Variants in ADGRB3 observed in about 807,000 individuals in gnomAD.
ADGRB3 encodes the protein brain-specific angiogenesis inhibitor 3.
ADGRB3 carries 37 observed loss-of-function variants against 193.4 expected under a neutral mutation model. The ratio of observed to expected loss-of-function variants is 0.19; its 90% CI spans 0.15 to 0.25. The LOEUF is 0.25. Among genes scored for constraint, ADGRB3 ranks in the 10% least tolerant of loss-of-function variants. The pLI is 1.00. For missense variants in ADGRB3, 1,637 were observed against 1,852.9 expected (o/e 0.88, Z 2.14); for synonymous variants, 690 against 644.2 (o/e 1.07, Z -1.08).
At chr6:68,711,618 A>G (rs1765410228) in intron 3 of ADGRB3, among the ~76,000 whole-genome samples, 1 of 152,094 alleles carries the variant, frequency 6.6e-6, no homozygotes, top group Non-Finnish European at 1.5e-5. Context: ...AGAATCAGCT[A>G]GCCCAACAAA....
intron 17 of ADGRB3, among the ~76,000 whole-genome samples, chr6:69,122,053 G>GCTCCCCACAACCCATACGA (rs1561925754): frequency 5.3e-5 from 8 of 150,804 alleles, no homozygotes; most frequent in South Asian, 4.2e-4. Context: ...CCCAGACGGG[G>GCTCCCCACAACCCATACGA]TGGTGGCCGG....
At chr6:69,075,000 A>G (rs1418071578) in intron 16 of ADGRB3, among the ~76,000 whole-genome samples, 1 of 152,232 alleles carries the variant, frequency 6.6e-6, no homozygotes, top group Non-Finnish European at 1.5e-5. Context: ...TCAGGATTTT[A>G]AAAGCTCAGC....
At chr6:68,807,118 A>T (rs150865283) in intron 3 of ADGRB3, among the ~76,000 whole-genome samples, 1 of 152,018 alleles carries the variant, frequency 6.6e-6, no homozygotes, top group Admixed American at 6.6e-5. Flanking sequence ...AAAATATCTT[A>T]TTCAAGTAAA....
chr6:68,986,068 G>A (rs1394191619), intron 10 of ADGRB3, among the ~76,000 whole-genome samples: 2 of 152,058 alleles, frequency 1.3e-5, no homozygotes, highest in African/African-American at 4.8e-5. Flanking sequence ...TCAAATTCTA[G>A]CCAAAAACTC....
intron 3 of ADGRB3, among the ~76,000 whole-genome samples, chr6:68,787,436 G>A (rs1043798509): frequency 4.6e-5 from 7 of 152,114 alleles, no homozygotes; most frequent in Non-Finnish European, 1.0e-4. Context: ...CTTTAGTTCT[G>A]TTTATGTGTT....
intron 3 of ADGRB3, among the ~76,000 whole-genome samples, chr6:68,860,426 CCTCTCTAAGTA>C (rs1765120780): frequency 6.6e-6 from 1 of 152,086 alleles, no homozygotes; most frequent in Non-Finnish European, 1.5e-5. Context: ...ATATTACTTC[CCTCTCTAAGTA>C]CATGTGTTCT....
chr6:69,174,116 T>A (rs1775361481), intron 17 of ADGRB3, among the ~76,000 whole-genome samples: 1 of 152,168 alleles, frequency 6.6e-6, no homozygotes, highest in Admixed American at 6.5e-5. Flanking sequence ...CAACTTTTAT[T>A]TTAGATTCAG....
intron 20 of ADGRB3, among the ~76,000 whole-genome samples, chr6:69,314,656 AT>A (rs1211537771): frequency 6.6e-6 from 1 of 151,552 alleles, no homozygotes; most frequent in African/African-American, 2.4e-5. Context: ...TTCTACTGAT[AT>A]TTTCCATAAC....
intron 3 of ADGRB3, among the ~76,000 whole-genome samples, chr6:68,818,287 C>T (rs1007665668): frequency 7.9e-5 from 12 of 151,996 alleles, no homozygotes; most frequent in Admixed American, 5.3e-4. Flanking sequence ...GCACTTTTAA[C>T]GTCACTATAC....
At chr6:69,163,500 G>A (rs1775050780) in intron 17 of ADGRB3, among the ~76,000 whole-genome samples, 1 of 151,926 alleles carries the variant, frequency 6.6e-6, no homozygotes, top group East Asian at 1.9e-4. Context: ...TTCAAATTAT[G>A]TGAAAAAAAA....
At chr6:69,339,040 T>G in intron 25 of ADGRB3, 26 bp downstream of exon 25, 2 of 1,609,768 alleles carry the variant, frequency 1.2e-6, no homozygotes, top group Non-Finnish European at 1.7e-6. Flanking sequence ...TTACATCTTC[T>G]TGTTACAAAT....
At chr6:69,370,361 T>A (rs1337077130) in intron 29 of ADGRB3, among the ~76,000 whole-genome samples, 1 of 152,158 alleles carries the variant, frequency 6.6e-6, no homozygotes, top group Non-Finnish European at 1.5e-5. Context: ...TGTCATTTTT[T>A]CCCACTCTCT....
intron 17 of ADGRB3, among the ~76,000 whole-genome samples, chr6:69,154,682 C>T (rs1242408771): frequency 6.6e-6 from 1 of 152,210 alleles, no homozygotes; most frequent in African/African-American, 2.4e-5. Context: ...AGTCCCTCTG[C>T]TAACGTATAG....
intron 17 of ADGRB3, among the ~76,000 whole-genome samples, chr6:69,159,371 CTTAT>C (rs1407498211): frequency 1.3e-5 from 2 of 151,998 alleles, no homozygotes; most frequent in Non-Finnish European, 2.9e-5. Context: ...TTCTTCATAT[CTTAT>C]TTCTTACCTC....
intron 17 of ADGRB3, among the ~76,000 whole-genome samples, chr6:69,129,948 C>A (rs2150333626): frequency 6.6e-6 from 1 of 152,186 alleles, no homozygotes; most frequent in African/African-American, 2.4e-5. Flanking sequence ...TTATAACCAA[C>A]TTTTATAGAA....
intron 3 of ADGRB3, among the ~76,000 whole-genome samples, chr6:68,799,169 AG>A (rs1312736524): frequency 3.3e-5 from 5 of 152,240 alleles, no homozygotes; most frequent in Admixed American, 2.6e-4. Flanking sequence ...TACAAAAAAA[AG>A]ATAATAAAAT....
chr6:69,003,933 A>G (rs2150280318), intron 11 of ADGRB3, among the ~76,000 whole-genome samples: 1 of 152,330 alleles, frequency 6.6e-6, no homozygotes, highest in South Asian at 2.1e-4. Flanking sequence ...GCAATGTATC[A>G]GCTGGTAAAT....
intron 17 of ADGRB3, among the ~76,000 whole-genome samples, chr6:69,221,197 C>T (rs2127249778): frequency 6.6e-6 from 1 of 152,162 alleles, no homozygotes; most frequent in Non-Finnish European, 1.5e-5. Flanking sequence ...TCTAAATCAG[C>T]ATCAAAAAAG....
chr6:69,003,950 T>C (rs972712194), intron 11 of ADGRB3, among the ~76,000 whole-genome samples: 1 of 152,180 alleles, frequency 6.6e-6, no homozygotes, highest in Non-Finnish European at 1.5e-5. Context: ...AAATGCCATG[T>C]GCAGTAAATA....
Sources: gnomAD v4.1 joint callset for allele counts (sites outside exome capture counted in the v4.1 genomes callset) on GRCh38, gnomAD v4.1.1 for gene constraint, MANE v1.5 for transcripts, NCBI Gene and HGNC (gene_info 2026-07-23, HGNC 2026-07-21) for gene names.